The following RSRC1 variants were observed in gnomAD, a reference collection of about 807,000 sequenced individuals.
The protein encoded by RSRC1 is arginine and serine rich coiled-coil 1.
In RSRC1, 39 loss-of-function variants were observed where a neutral mutation model predicts 49.1. The observed-to-expected ratio is 0.79, with a 90% confidence interval of 0.61 to 1.04. The LOEUF is 1.04. RSRC1 is among the 50% of genes least tolerant of loss of function. RSRC1 has a pLI of 0.00. For synonymous variants in RSRC1, 143 were observed against 130.8 expected (o/e 1.09, Z -0.63); for missense variants, 388 against 402.4 (o/e 0.96, Z 0.31).
In RSRC1 at chr3:158,307,748, T is replaced by C. The variant is rs553792145; in HGVS notation, c.531+9673T>C. ...GGGGAGAACTAAAATATGTAGACTTTCTATATATTTTTCTTATGAATGTAT... is the reference window on the plus strand; with the variant it reads ...GGGGAGAACTAAAATATGTAGACTTCCTATATATTTTTCTTATGAATGTAT... On this transcript the variant is annotated intron_variant, in intron 5 of 9. Transcript: ENST00000611884. Among the ~76,000 whole-genome samples the C allele has an allele frequency of 2.0e-5, 3 of 151,998 alleles. No individual in the cohort carries two copies. The South Asian group carries it at 6.2e-4, about 31-fold the overall frequency.
intron 6 of RSRC1, among the ~76,000 whole-genome samples, chr3:158,394,632 G>A (rs1050072502): frequency 1.3e-5 from 2 of 151,866 alleles, no homozygotes; most frequent in African/African-American, 2.4e-5. Context: ...AGCTAACCAG[G>A]GAAGTGAAAG....
chr3:158,391,646 AACTT>A (rs1168668892), intron 6 of RSRC1, among the ~76,000 whole-genome samples: 1 of 152,130 alleles, frequency 6.6e-6, no homozygotes, highest in Non-Finnish European at 1.5e-5. Context: ...GACAAACAAA[AACTT>A]ACTTGTTTAT....
chr3:158,423,589 A>C (rs1735211503), intron 6 of RSRC1, among the ~76,000 whole-genome samples: 1 of 152,152 alleles, frequency 6.6e-6, no homozygotes. Context: ...TGAACTTTAA[A>C]GTAGTTTTTT....
At chr3:158,271,467 C>T (rs1725514922) in intron 4 of RSRC1, among the ~76,000 whole-genome samples, 1 of 152,064 alleles carries the variant, frequency 6.6e-6, no homozygotes, top group African/African-American at 2.4e-5. Context: ...TTTTAATATT[C>T]TTTTACTCTC....
intron 7 of RSRC1, among the ~76,000 whole-genome samples, chr3:158,510,243 T>C (rs1366112910): frequency 3.3e-5 from 5 of 152,220 alleles, no homozygotes; most frequent in Non-Finnish European, 7.3e-5. Context: ...TGGTCATTGG[T>C]ATTCCTTTAT....
intron 5 of RSRC1, among the ~76,000 whole-genome samples, chr3:158,321,530 A>G (rs1303304188): frequency 6.6e-6 from 1 of 150,676 alleles, no homozygotes; most frequent in East Asian, 1.9e-4. Context: ...TACCATTTTG[A>G]TATGCTTTAC....
intron 5 of RSRC1, among the ~76,000 whole-genome samples, chr3:158,354,269 G>T (rs1440346342): frequency 6.6e-6 from 1 of 152,116 alleles, no homozygotes; most frequent in Non-Finnish European, 1.5e-5. Flanking sequence ...GATTACGGGC[G>T]TCAGCCACTG....
intron 4 of RSRC1, among the ~76,000 whole-genome samples, chr3:158,283,484 C>G (rs1476537816): frequency 1.3e-5 from 2 of 152,012 alleles, no homozygotes; most frequent in African/African-American, 2.4e-5. Flanking sequence ...AAAACTTACC[C>G]TCTTACATTT....
At chr3:158,516,374 C>T (rs529331985) in intron 7 of RSRC1, among the ~76,000 whole-genome samples, 1 of 151,986 alleles carries the variant, frequency 6.6e-6, no homozygotes, top group African/African-American at 2.4e-5. Context: ...TGTCAGTGTG[C>T]CCCTGCTGGG....
At chr3:158,193,843 T>C (rs1332632836) in intron 3 of RSRC1, among the ~76,000 whole-genome samples, 1 of 152,100 alleles carries the variant, frequency 6.6e-6, no homozygotes, top group Non-Finnish European at 1.5e-5. Context: ...CAAGGAAGCT[T>C]ATAAAGCAAA....
intron 7 of RSRC1, among the ~76,000 whole-genome samples, chr3:158,490,342 C>A (rs1739029130): frequency 6.6e-6 from 1 of 152,236 alleles, no homozygotes; most frequent in Admixed American, 6.5e-5. Flanking sequence ...CCTCACCCTT[C>A]CAAAGTGCTG....
chr3:158,416,111 C>A (rs1319537248), intron 6 of RSRC1, among the ~76,000 whole-genome samples: 3 of 151,928 alleles, frequency 2.0e-5, no homozygotes, highest in Non-Finnish European at 4.4e-5. Flanking sequence ...CATTTTATAT[C>A]TTGAATTACC....
intron 6 of RSRC1, among the ~76,000 whole-genome samples, chr3:158,380,811 T>C (rs1379641432): frequency 6.6e-6 from 1 of 152,192 alleles, no homozygotes; most frequent in African/African-American, 2.4e-5. Context: ...ATTACATGTG[T>C]ATTTTGAAAT....
intron 7 of RSRC1, among the ~76,000 whole-genome samples, chr3:158,489,922 G>A (rs964135989): frequency 3.3e-5 from 5 of 152,126 alleles, no homozygotes; most frequent in African/African-American, 9.7e-5. Flanking sequence ...GAAAGGAAAT[G>A]TTTTCTTATC....
intron 3 of RSRC1, among the ~76,000 whole-genome samples, chr3:158,195,119 G>T (rs1305206729): frequency 6.6e-6 from 1 of 152,194 alleles, no homozygotes; most frequent in African/African-American, 2.4e-5. Context: ...CACCAACAGT[G>T]TAAAAGTGTT....
At chr3:158,456,668 T>C (rs990658074) in intron 6 of RSRC1, among the ~76,000 whole-genome samples, 15 of 152,146 alleles carry the variant, frequency 9.9e-5, no homozygotes, top group African/African-American at 3.1e-4. Flanking sequence ...AAGTAAAACT[T>C]TCTGGTAGGA....
intron 3 of RSRC1, among the ~76,000 whole-genome samples, chr3:158,186,559 G>C (rs1719942934): frequency 6.6e-6 from 1 of 152,114 alleles, no homozygotes; most frequent in Admixed American, 6.6e-5. Flanking sequence ...AATTTAGGAA[G>C]ACTGATGAGT....
At chr3:158,160,717 G>A (rs1374636189) in intron 3 of RSRC1, among the ~76,000 whole-genome samples, 1 of 152,046 alleles carries the variant, frequency 6.6e-6, no homozygotes, top group Non-Finnish European at 1.5e-5. Flanking sequence ...ATTTTGTGAT[G>A]GTGTGTTGGA....
intron 6 of RSRC1, among the ~76,000 whole-genome samples, chr3:158,445,811 T>C (rs905729834): frequency 6.6e-6 from 1 of 152,102 alleles, no homozygotes; most frequent in Non-Finnish European, 1.5e-5. Context: ...AATCAGAACA[T>C]CAATGTAAAC....
Sources: gnomAD v4.1 joint callset for allele counts (sites outside exome capture counted in the v4.1 genomes callset) on GRCh38, gnomAD v4.1.1 for gene constraint, MANE v1.5 for transcripts, NCBI Gene and HGNC (gene_info 2026-07-23, HGNC 2026-07-21) for gene names.